The following IYD variants were observed in gnomAD, a reference collection of about 807,000 sequenced individuals.
IYD encodes iodotyrosine deiodinase, also known as iodotyrosine deiodinase 1.
IYD carries 25 observed loss-of-function variants against 28.4 expected under a neutral mutation model. The ratio of observed to expected loss-of-function variants is 0.88; its 90% CI spans 0.64 to 1.23. IYD has a LOEUF of 1.23. Ranked by LOEUF, IYD falls within the 50% of genes most tolerant of loss-of-function variation. The pLI is 0.00. For synonymous variants in IYD, 140 were observed against 130.8 expected (o/e 1.07, Z -0.48); for missense variants, 352 against 357.9 (o/e 0.98, Z 0.13).
chr6:150,383,155 C>A (rs1002437283), intron 1 of IYD, among the ~76,000 whole-genome samples: 2 of 152,186 alleles, frequency 1.3e-5, no homozygotes, highest in Non-Finnish European at 2.9e-5. Flanking sequence ...TAAGGTCAAA[C>A]CCTGTGGTTC....
chr6:150,394,349 T>A, intron 4 of IYD, 94 bp downstream of exon 4: 2 of 1,351,294 alleles, frequency 1.5e-6, no homozygotes, highest in African/African-American at 1.4e-5. Flanking sequence ...TTTTTTAATC[T>A]AAAGTAGAAT....
At chr6:150,372,847 G>A (rs1054303028) in intron 1 of IYD, among the ~76,000 whole-genome samples, 1 of 152,106 alleles carries the variant, frequency 6.6e-6, no homozygotes, top group African/African-American at 2.4e-5. Flanking sequence ...AACCAGCCAA[G>A]GTTGGTGTCC....
intron 1 of IYD, among the ~76,000 whole-genome samples, chr6:150,388,655 CT>C (rs1216990183): frequency 1.7e-5 from 1 of 57,804 alleles, no homozygotes; most frequent in Admixed American, 1.8e-4. Flanking sequence ...TTCTTTCTTT[CT>C]TTCTTTCTTT....
intron 4 of IYD, chr6:150,395,330 C>A: frequency 1.7e-6 from 2 of 1,181,940 alleles, no homozygotes; most frequent in Non-Finnish European, 2.4e-6. Context: ...TCTTCACTAT[C>A]TCAAAGAAAA....
chr6:150,373,640 G>A (rs1777349615), intron 1 of IYD, among the ~76,000 whole-genome samples: 2 of 152,166 alleles, frequency 1.3e-5, no homozygotes. Context: ...GCCATGGTGT[G>A]ATTATTTACA....
At chr6:150,394,052 CA>C in intron 3 of IYD, 46 bp from the exon 4 acceptor site, 2 of 1,595,710 alleles carry the variant, frequency 1.3e-6, no homozygotes. Context: ...TAAAAGAGAA[CA>C]AAAAATATGG....
intron 1 of IYD, chr6:150,370,023 A>AGAGAGC: frequency 4.3e-6 from 3 of 702,170 alleles, no homozygotes; most frequent in Non-Finnish European, 7.8e-6. Flanking sequence ...GTAGGAAGGG[A>AGAGAGC]GAGAGCGTGG....
At chr6:150,384,330 G>A (rs554710336) in intron 1 of IYD, 1 of 152,130 alleles carries the variant, frequency 6.6e-6, no homozygotes, top group Non-Finnish European at 1.5e-5. Flanking sequence ...AATATTTTCA[G>A]TGTTTACTCC....
intron 2 of IYD, among the ~76,000 whole-genome samples, chr6:150,391,559 G>A (rs1778118599): frequency 6.6e-6 from 1 of 152,172 alleles, no homozygotes; most frequent in African/African-American, 2.4e-5. Flanking sequence ...GCAGAGGTGA[G>A]TTCCCACAAC....
intron 1 of IYD, among the ~76,000 whole-genome samples, chr6:150,383,122 A>G (rs1459448471): frequency 6.6e-6 from 1 of 152,222 alleles, no homozygotes; most frequent in Non-Finnish European, 1.5e-5. Flanking sequence ...GTGTGACACT[A>G]ATACTCTGGG....
chr6:150,376,916 A>C (rs7757456), intron 1 of IYD, among the ~76,000 whole-genome samples: 41,328 of 152,074 alleles, frequency 0.27, 7,008 homozygotes, highest in African/African-American at 0.48. Flanking sequence ...GCCACTGGGC[A>C]CATCCTAATT....
intron 2 of IYD, among the ~76,000 whole-genome samples, chr6:150,391,601 T>C (rs975982188): frequency 3.9e-5 from 6 of 152,320 alleles, no homozygotes; most frequent in African/African-American, 1.4e-4. Flanking sequence ...CATTGATCAG[T>C]TGGCCTGACG....
Position 150,402,046 on chromosome 6 carries a change from G to GT in IYD, c.*3811dup, listed in dbSNP as rs1778526525. ...CTCCAGTTCTAATGTATTCCCAGGTGTTGCTGATGCTGGTGATTGGGTACC... is the reference window on the plus strand; with the variant it reads ...CTCCAGTTCTAATGTATTCCCAGGTGTTTGCTGATGCTGGTGATTGGGTACC... On this transcript the variant is annotated 3_prime_UTR_variant, in exon 5 of 5. Transcript: ENST00000344419. 6.6e-6 allele frequency: 1 copy of GT among 152,226 alleles called. No individual in the cohort carries two copies. Among genetic ancestry groups the GT allele is most frequent in the African/African-American group, 2.4e-5 (1 of 41,450 alleles). 9.4% of individuals were successfully genotyped at this position (152,226 alleles called of 1,614,324 possible).
intron 4 of IYD, among the ~76,000 whole-genome samples, chr6:150,394,915 A>AC (rs1778255298): frequency 6.6e-6 from 1 of 151,986 alleles, no homozygotes; most frequent in Admixed American, 6.6e-5. Context: ...TGCAGCCTTG[A>AC]CCCCCGGGCT....
intron 1 of IYD, among the ~76,000 whole-genome samples, 159 bp from the exon 2 acceptor site, chr6:150,389,193 C>A (rs925090494): frequency 2.0e-5 from 3 of 152,178 alleles, no homozygotes; most frequent in African/African-American, 7.2e-5. Flanking sequence ...TAGTCAAGAT[C>A]AGTGGTAAGG....
rs1391420900 is a variant in IYD, at chr6:150,399,399, T to C, written c.*1162T>C. ...AACACACTGACCCCTATTCTCCAGA[T>C]GACAGCACAGCTGTTTGGGACTGAT... On this transcript the variant is annotated 3_prime_UTR_variant, in exon 5 of 5. Transcript: ENST00000344419. The C allele has an allele frequency of 1.3e-5, 2 of 152,256 alleles. No individual in the cohort carries two copies. Among genetic ancestry groups the C allele is most frequent in the Non-Finnish European group, 2.9e-5 (2 of 68,112 alleles). 9.4% of individuals were successfully genotyped at this position (152,256 alleles called of 1,614,324 possible).
intron 1 of IYD, chr6:150,370,799 A>C (rs1456193539): frequency 4.0e-5 from 13 of 328,324 alleles, no homozygotes; most frequent in African/African-American, 2.9e-4. Flanking sequence ...GAAAAGGAGG[A>C]GAGAGGGAGA....
At chr6:150,391,233 C>CAAA (rs3842126) in intron 2 of IYD, among the ~76,000 whole-genome samples, 15 of 114,076 alleles carry the variant, frequency 1.3e-4, no homozygotes, top group African/African-American at 3.9e-4. Flanking sequence ...GAGACGCCAT[C>CAAA]AAAAAAAAAA....
In IYD at chr6:150,400,486, T is replaced by C. The variant is rs1428790348; in HGVS notation, c.*2249T>C. ...GAAGTATTCCTTCCAAAGATGTCAA[T>C]GGAAACTAATCGAGTCTTACACCTA... On this transcript the variant is annotated 3_prime_UTR_variant, in exon 5 of 5. Coordinates refer to ENST00000344419, the MANE Select transcript of IYD (RefSeq NM_203395.3). 6.6e-6 allele frequency: 1 copy of C among 152,196 alleles called. No homozygotes were observed. Among genetic ancestry groups the C allele is most frequent in the Non-Finnish European group, 1.5e-5 (1 of 68,042 alleles). The allele number at this position is 152,196 out of a possible 1,614,324, so 9.4% of individuals were successfully genotyped here. A position where few individuals can be genotyped will look rare whatever the true frequency, so the allele number is the denominator to read the frequency against.
Sources: gnomAD v4.1 joint callset for allele counts (sites outside exome capture counted in the v4.1 genomes callset) on GRCh38, gnomAD v4.1.1 for gene constraint, MANE v1.5 for transcripts, NCBI Gene and HGNC (gene_info 2026-07-23, HGNC 2026-07-21) for gene names.